The following NAXD variants were observed in gnomAD, a reference collection of about 807,000 sequenced individuals.
NAXD encodes NAD(P)HX dehydratase.
A neutral mutation model predicts 35.8 loss-of-function variants in NAXD; 22 were observed. That is an observed-to-expected ratio of 0.62 (90% confidence interval 0.44 to 0.88). The LOEUF is 0.88. Ranked by LOEUF, NAXD falls within the 40% of genes least tolerant of loss-of-function variation. The pLI, the probability that NAXD is intolerant of heterozygous loss-of-function variation, is 0.00. For synonymous variants in NAXD, 189 were observed against 177.6 expected, an observed-to-expected ratio of 1.06 and a Z score of -0.51; for missense variants, 428 against 437.7, an observed-to-expected ratio of 0.98 and a Z score of 0.20.
In NAXD at chr13:110,635,322, C is replaced by T. The variant is rs1886881394; in HGVS notation, c.598-146C>T. The stretch of plus-strand genomic sequence containing the variant: ...CACTGCAGGTGATATCCTGGGCATC[C>T]TCCCACCTACATGGCCTTTAACAGG... On this transcript the variant is annotated intron_variant, in intron 7 of 9. Transcript: ENST00000680254. 5.6e-6 allele frequency: 5 copies of T among 900,150 alleles called. No homozygotes were observed. In the Admixed American group the frequency reaches 1.1e-4, roughly 20 times the overall value. 55.8% of individuals were successfully genotyped at this position (900,150 alleles called of 1,614,324 possible).
chr13:110,616,708 C>T (rs1886071788), intron 1 of NAXD, among the ~76,000 whole-genome samples: 1 of 152,212 alleles, frequency 6.6e-6, no homozygotes, highest in East Asian at 1.9e-4. Context: ...GTGTATATCT[C>T]ATTTCTCATA....
intron 2 of NAXD, 112 bp from the exon 3 acceptor site, chr13:110,624,122 A>C (rs1886368974): frequency 1.5e-6 from 1 of 658,650 alleles, no homozygotes; most frequent in Admixed American, 2.5e-5. Flanking sequence ...TTATTTATTG[A>C]TAAACCATGT....
chr13:110,621,990 AC>A (rs1886283804), intron 1 of NAXD, among the ~76,000 whole-genome samples: 2 of 152,308 alleles, frequency 1.3e-5, no homozygotes, highest in South Asian at 4.1e-4. Flanking sequence ...AGATCACGCC[AC>A]TGCACTCCAG....
chr13:110,626,976 T>G (rs191437473), intron 4 of NAXD, among the ~76,000 whole-genome samples: 2 of 152,224 alleles, frequency 1.3e-5, no homozygotes, highest in South Asian at 2.1e-4. Context: ...GGGCTAACTT[T>G]AGAGGGCAAA....
chr13:110,636,949 G>C (rs993356586), intron 8 of NAXD, among the ~76,000 whole-genome samples, 180 bp from the exon 9 acceptor site: 4 of 152,264 alleles, frequency 2.6e-5, no homozygotes, highest in Non-Finnish European at 4.4e-5. Context: ...TAAAACAGAG[G>C]CTGCCTCCAA....
chr13:110,625,201 G>T lies in NAXD; in HGVS notation c.255G>T (p.Leu85Phe). 6.2e-7 allele frequency: 1 copy of T among 1,613,716 alleles called. No homozygotes were observed. Residue 85 changes from leucine (L) to phenylalanine (F), a missense_variant, in exon 4 of 10, where the codon TTG becomes TTT. By Grantham distance (22) the Leu-to-Phe change is conservative. Transcript: ENST00000680254. ...TGCTCCTTCATCAGGGCGCAGACTT[G>T]TCCCACGTGTTCTGTGCCAGTGCGG... ...AISALKVGAD[L>F]SHVFCASAAA...
At chr13:110,624,002 CAAAAAAAAA>C (rs58510281) in intron 2 of NAXD, among the ~76,000 whole-genome samples, 1 of 103,222 alleles carries the variant, frequency 9.7e-6, no homozygotes, top group African/African-American at 3.4e-5. Flanking sequence ...AACTCTGTCT[CAAAAAAAAA>C]AAAAAAAAAG....
rs867989912 is a variant in NAXD at position 110,635,633 on chromosome 13, T to C, written c.718+45T>C. The C allele has an allele frequency of 1.6e-5, 26 of 1,605,528 alleles. No individual in the cohort carries two copies. The Middle Eastern group carries it at 1.5e-3, about 94-fold the overall frequency. On this transcript the variant is annotated intron_variant, in intron 8 of 9. Transcript: ENST00000680254. The stretch of plus-strand genomic sequence containing the variant: ...TGTGCATGGGCCAGTGCCAGGTCAG[T>C]CAGCATGGCCACACCGAGCATGAGC...
At chr13:110,617,061 T>G (rs1886087918) in intron 1 of NAXD, among the ~76,000 whole-genome samples, 1 of 152,166 alleles carries the variant, frequency 6.6e-6, no homozygotes, top group African/African-American at 2.4e-5. Flanking sequence ...GTAGCAAGAT[T>G]TTTCATTGCG....
At chr13:110,623,388 G>C (rs1026490478) in intron 2 of NAXD, among the ~76,000 whole-genome samples, 3 of 152,168 alleles carry the variant, frequency 2.0e-5, no homozygotes, top group Non-Finnish European at 4.4e-5. Context: ...TCCTTTCTGT[G>C]CCTGAAGTGC....
At position 110,637,180 on chromosome 13, in the gene NAXD, A is replaced by T. The variant is rs1363781137; in HGVS notation, c.770A>T (p.Asp257Val). The change falls in exon 9 of 10, where the codon GAC (aspartate) becomes GTC (valine). Residue 257 changes from aspartate to valine, a missense_variant. Coordinates refer to ENST00000680254, the MANE Select transcript of NAXD (RefSeq NM_001242882.2). ...AGCCGCAGGTGTGGAGGGCAAGGGG[A>T]CCTCCTGTCGGGCTCCCTGGGCGTC... ...GSSRRCGGQGDLLSGSLGVLV... is the reference protein window; with the variant it reads ...GSSRRCGGQGVLLSGSLGVLV... The T allele has an allele frequency of 5.0e-6, 8 of 1,613,630 alleles. No homozygotes were observed. Among genetic ancestry groups the T allele is most frequent in the Non-Finnish European group, 6.8e-6 (8 of 1,179,800 alleles).
intron 9 of NAXD, chr13:110,637,702 G>C (rs955537701): frequency 4.4e-6 from 2 of 455,334 alleles, no homozygotes; most frequent in East Asian, 1.4e-4. Context: ...AGAACTTTAT[G>C]AATGCAAGCA....
Position 110,638,110 on chromosome 13 carries a change from A to T in NAXD, c.840-268A>T. 1.1e-6 allele frequency: 1 copy of T among 902,782 alleles called. No individual in the cohort carries two copies. The highest frequency in any genetic ancestry group is 2.4e-5 in the Admixed American group (1 of 42,434). The allele number at this position is 902,782 out of a possible 1,614,324, so 55.9% of individuals were successfully genotyped here. ...TTGTGCCGCCTGGCTTTCCCCGGGAACACCTGGCCCACTGTGTGCCCTAGC... is the reference window on the plus strand; with the variant it reads ...TTGTGCCGCCTGGCTTTCCCCGGGATCACCTGGCCCACTGTGTGCCCTAGC... On this transcript the variant is annotated intron_variant, in intron 9 of 9. Coordinates refer to ENST00000680254, the MANE Select transcript of NAXD (RefSeq NM_001242882.2). The surrounding 1 kb of genome is among the most constrained non-coding windows in gnomAD (Gnocchi z 5.4).
chr13:110,624,105 GTC>G (rs1886368160), intron 2 of NAXD, 127 bp from the exon 3 acceptor site: 2 of 599,900 alleles, frequency 3.3e-6, no homozygotes, highest in African/African-American at 1.9e-5. Context: ...TGTGCTTCAT[GTC>G]TCTGTTATTT....
intron 8 of NAXD, among the ~76,000 whole-genome samples, chr13:110,636,447 G>A (rs1395664973): frequency 3.9e-5 from 6 of 152,074 alleles, no homozygotes; most frequent in Admixed American, 6.6e-5. Flanking sequence ...CACATGCATG[G>A]TCATGCTCAC....
rs991636237 is a variant in NAXD at position 110,625,249 on chromosome 13, C to T, written c.303C>T (p.Tyr101=). 6.2e-6 allele frequency: 10 copies of T among 1,613,552 alleles called. No individual in the cohort carries two copies. The African/African-American group carries it at 1.2e-4, about 19-fold the overall frequency. ...ASAAAPVIKA[Y]SPELIVHPVL... is the part of the protein sequence containing the mutation. ...CGGCCGCACCTGTGATTAAGGCCTA[C>T]AGCCCGGAGCTGATCGTCCACCCAG... Residue 101 remains tyrosine, a synonymous_variant, in exon 4 of 10, where the codon TAC becomes TAT. Coordinates refer to ENST00000680254, the MANE Select transcript of NAXD (RefSeq NM_001242882.2).
intron 9 of NAXD, 42 bp downstream of exon 9, chr13:110,637,291 A>AT: frequency 6.2e-7 from 1 of 1,612,064 alleles, no homozygotes; most frequent in Non-Finnish European, 8.5e-7. Context: ...AAACCGTCTG[A>AT]TTTTTCTAAG....
intron 5 of NAXD, among the ~76,000 whole-genome samples, chr13:110,633,310 G>A (rs1288980013): frequency 1.3e-5 from 2 of 152,170 alleles, no homozygotes; most frequent in Non-Finnish European, 2.9e-5. Context: ...AGCAGGGCTG[G>A]CCGGCTGCTC....
chr13:110,633,079 G>C (rs1236586901), intron 5 of NAXD, among the ~76,000 whole-genome samples: 2 of 152,228 alleles, frequency 1.3e-5, no homozygotes, highest in Non-Finnish European at 2.9e-5. Context: ...GTGGAGCAGG[G>C]GGTGGTGCTC....
Sources: allele counts gnomAD v4.1 joint callset (sites outside exome capture counted in the v4.1 genomes callset), GRCh38; gene constraint gnomAD v4.1.1; non-coding constraint Gnocchi (gnomAD v3.1); transcripts MANE v1.5; gene names NCBI Gene and HGNC (gene_info 2026-07-23, HGNC 2026-07-21).